CACNA2D1: variants seen among roughly 807,000 people sequenced by gnomAD.
CACNA2D1 encodes the protein voltage-dependent calcium channel subunit alpha-2/delta-1.
A neutral mutation model predicts 171.5 loss-of-function variants in CACNA2D1; 53 were observed. The ratio of observed to expected loss-of-function variants is 0.31; its 90% CI spans 0.25 to 0.39. The LOEUF (loss-of-function observed/expected upper bound fraction) is 0.39, where lower values mean the gene tolerates loss of function less well. Ranked by LOEUF, CACNA2D1 falls within the 10% of genes least tolerant of loss-of-function variation. CACNA2D1 has a pLI of 1.00. For synonymous variants in CACNA2D1, 442 were observed against 443.1 expected (o/e 1.00, Z 0.03); for missense variants, 903 against 1,299.8 (o/e 0.69, Z 4.69).
chr7:82,407,847 C>G (rs191238402), intron 1 of CACNA2D1, among the ~76,000 whole-genome samples: 325 of 152,078 alleles, frequency 2.1e-3, no homozygotes, highest in Non-Finnish European at 2.0e-3. Context: ...CCATCTATCC[C>G]TGATAGATTA....
chr7:81,954,803 C>A (rs914861701), intron 38 of CACNA2D1, among the ~76,000 whole-genome samples: 1 of 152,034 alleles, frequency 6.6e-6, no homozygotes, highest in African/African-American at 2.4e-5. Context: ...ACTAAAGTTA[C>A]CACCAGCAAC....
chr7:82,198,409 C>T (rs758432398), intron 3 of CACNA2D1, among the ~76,000 whole-genome samples: 1 of 152,070 alleles, frequency 6.6e-6, no homozygotes, highest in Non-Finnish European at 1.5e-5. Flanking sequence ...CTCATGGAGC[C>T]TTGTGAGCTA....
intron 3 of CACNA2D1, among the ~76,000 whole-genome samples, chr7:82,245,676 A>ACACT (rs1554479421): frequency 6.9e-6 from 1 of 145,894 alleles, no homozygotes; most frequent in East Asian, 2.0e-4. Flanking sequence ...ACACACACAC[A>ACACT]CACACACACA....
At chr7:82,122,878 T>C (rs1450350661) in intron 5 of CACNA2D1, among the ~76,000 whole-genome samples, 2 of 152,208 alleles carry the variant, frequency 1.3e-5, no homozygotes, top group Non-Finnish European at 2.9e-5. Flanking sequence ...CTTTTCAAAA[T>C]ATTGCCAGGG....
At chr7:82,443,880 T>G (rs1585987059), upstream of CACNA2D1, 18 of 226,862 alleles carry the variant, frequency 7.9e-5, no homozygotes, top group East Asian at 1.8e-4. Flanking sequence ...AGGGTGGGGG[T>G]GGCTGCAGGA....
chr7:82,371,617 G>A (rs1431307464), intron 1 of CACNA2D1, among the ~76,000 whole-genome samples: 1 of 151,688 alleles, frequency 6.6e-6, no homozygotes, highest in South Asian at 2.1e-4. Flanking sequence ...CTTCTCTCTT[G>A]TTGCCCAGGC....
intron 6 of CACNA2D1, among the ~76,000 whole-genome samples, chr7:82,106,215 C>T (rs1050624660): frequency 2.0e-5 from 3 of 152,168 alleles, no homozygotes; most frequent in Admixed American, 1.3e-4. Context: ...AGGGAGAAAT[C>T]GAGTAAGATT....
intron 6 of CACNA2D1, among the ~76,000 whole-genome samples, chr7:82,108,986 T>C (rs1788071837): frequency 6.6e-6 from 1 of 152,136 alleles, no homozygotes; most frequent in Non-Finnish European, 1.5e-5. Flanking sequence ...CAGAAGCAAT[T>C]GTACTTTTTA....
chr7:81,960,421 A>G (rs1203352640), intron 36 of CACNA2D1, among the ~76,000 whole-genome samples: 1 of 152,062 alleles, frequency 6.6e-6, no homozygotes, highest in Non-Finnish European at 1.5e-5. Flanking sequence ...TGAAATTTCA[A>G]TAGCCACCTA....
At chr7:82,362,293 G>A (rs538526116) in intron 1 of CACNA2D1, among the ~76,000 whole-genome samples, 6 of 152,052 alleles carry the variant, frequency 3.9e-5, no homozygotes, top group South Asian at 2.1e-4. Flanking sequence ...ACATCCCAAC[G>A]TAGATTTCAA....
rs1795398958 is a variant in CACNA2D1 at position 82,165,783 on chromosome 7, C to T, written c.354+4767G>A. 6.6e-5 allele frequency among the ~76,000 whole-genome samples: 10 copies of T among 151,978 alleles called. No individual in the cohort carries two copies. The South Asian group carries it at 2.1e-3, about 32-fold the overall frequency. The stretch of plus-strand genomic sequence containing the variant: ...GTTTCCCTACATAGCAGAAATGTTG[C>T]AAAAACATTAAAATATGCAAGCTCT... On this transcript the variant is annotated intron_variant, in intron 4 of 38. Transcript: ENST00000356860.
chr7:82,043,811 A>G (rs190587838), intron 10 of CACNA2D1, among the ~76,000 whole-genome samples: 16 of 152,330 alleles, frequency 1.1e-4, no homozygotes, highest in Admixed American at 9.2e-4. Flanking sequence ...ACACGCTACA[A>G]GTCAAAGAAG....
At chr7:82,036,120 T>G (rs926975545) in intron 11 of CACNA2D1, among the ~76,000 whole-genome samples, 2 of 152,186 alleles carry the variant, frequency 1.3e-5, no homozygotes, top group Non-Finnish European at 2.9e-5. Context: ...TCAGAGAATG[T>G]AGAGTCACCT....
chr7:82,103,526 T>G (rs375457123), intron 6 of CACNA2D1, among the ~76,000 whole-genome samples: 1 of 152,292 alleles, frequency 6.6e-6, no homozygotes, highest in East Asian at 1.9e-4. Context: ...TGTCGAGTTT[T>G]ACCGAAGTAC....
chr7:82,241,180 T>G (rs146264102), intron 3 of CACNA2D1, among the ~76,000 whole-genome samples: 95 of 152,284 alleles, frequency 6.2e-4, no homozygotes, highest in African/African-American at 1.9e-3. Flanking sequence ...AAAAATAATT[T>G]TTAAGATTTC....
At chr7:82,404,756 T>G (rs1826833352) in intron 1 of CACNA2D1, among the ~76,000 whole-genome samples, 1 of 152,240 alleles carries the variant, frequency 6.6e-6, no homozygotes, top group South Asian at 2.1e-4. Context: ...CTGTGTCTCA[T>G]GCAGTGTCAC....
At chr7:82,162,284 T>C (rs1795020718) in intron 4 of CACNA2D1, among the ~76,000 whole-genome samples, 1 of 151,672 alleles carries the variant, frequency 6.6e-6, no homozygotes, top group African/African-American at 2.4e-5. Flanking sequence ...CTAGAAGGGG[T>C]AATAGACTTT....
At chr7:82,021,878 A>G (rs1013777133) in intron 12 of CACNA2D1, among the ~76,000 whole-genome samples, 3 of 151,990 alleles carry the variant, frequency 2.0e-5, no homozygotes, top group Non-Finnish European at 4.4e-5. Context: ...TAATCAGAGA[A>G]GAGAGCAGCA....
intron 1 of CACNA2D1, among the ~76,000 whole-genome samples, chr7:82,423,914 A>T (rs1828942877): frequency 6.6e-6 from 1 of 152,238 alleles, no homozygotes; most frequent in Admixed American, 6.5e-5. Flanking sequence ...CACTTTTAAA[A>T]CAGTTTGGAA....
Sources: allele counts gnomAD v4.1 joint callset (sites outside exome capture counted in the v4.1 genomes callset), GRCh38; gene constraint gnomAD v4.1.1; transcripts MANE v1.5; gene names NCBI Gene and HGNC (gene_info 2026-07-23, HGNC 2026-07-21).